The following PPP2R2B variants were observed in gnomAD, a reference collection of about 807,000 sequenced individuals.
PPP2R2B encodes serine/threonine-protein phosphatase 2A 55 kDa regulatory subunit B beta isoform.
In PPP2R2B, 5 loss-of-function variants were observed where a neutral mutation model predicts 46.0. The observed-to-expected ratio is 0.11, with a 90% confidence interval of 0.06 to 0.23. The LOEUF (loss-of-function observed/expected upper bound fraction) is 0.23, where lower values mean the gene tolerates loss of function less well. Among genes scored for constraint, PPP2R2B ranks in the 10% least tolerant of loss-of-function variants. The pLI is 1.00. For missense variants in PPP2R2B, 367 were observed against 575.0 expected, an observed-to-expected ratio of 0.64 and a Z score of 3.70; for synonymous variants, 215 against 206.7, an observed-to-expected ratio of 1.04 and a Z score of -0.34.
chr5:146,777,495 T>C (rs1014945151), intron 2 of PPP2R2B, among the ~76,000 whole-genome samples: 1 of 152,162 alleles, frequency 6.6e-6, no homozygotes, highest in Non-Finnish European at 1.5e-5. Context: ...TATCACTTAA[T>C]GGGTGCAGTT....
At chr5:146,931,550 T>C (rs1429427310) in intron 1 of PPP2R2B, among the ~76,000 whole-genome samples, 1 of 152,178 alleles carries the variant, frequency 6.6e-6, no homozygotes, top group East Asian at 1.9e-4. Flanking sequence ...GATGTCATCT[T>C]CCTTCCTTCT....
intron 2 of PPP2R2B, among the ~76,000 whole-genome samples, chr5:146,730,476 G>A (rs1430207523): frequency 6.6e-6 from 1 of 152,114 alleles, no homozygotes; most frequent in Non-Finnish European, 1.5e-5. Context: ...GAGGGGCCAA[G>A]GGCAGAATGA....
intron 2 of PPP2R2B, among the ~76,000 whole-genome samples, chr5:146,844,808 C>G (rs1273096768): frequency 6.6e-6 from 1 of 152,210 alleles, no homozygotes; most frequent in Non-Finnish European, 1.5e-5. Context: ...CTATCTTTCT[C>G]TCAATAACCT....
chr5:146,693,368 C>A (rs1297997684), intron 4 of PPP2R2B, among the ~76,000 whole-genome samples: 2 of 152,040 alleles, frequency 1.3e-5, no homozygotes, highest in Non-Finnish European at 2.9e-5. Flanking sequence ...TCACATGCCA[C>A]CACGCCCAGA....
chr5:146,606,110 G>A (rs918044090), intron 7 of PPP2R2B, among the ~76,000 whole-genome samples: 1 of 152,200 alleles, frequency 6.6e-6, no homozygotes, highest in Non-Finnish European at 1.5e-5. Flanking sequence ...GAAACCTAAA[G>A]TGAAACAGCA....
At chr5:146,616,294 A>G (rs2151044758) in intron 7 of PPP2R2B, among the ~76,000 whole-genome samples, 1 of 152,312 alleles carries the variant, frequency 6.6e-6, no homozygotes, top group African/African-American at 2.4e-5. Flanking sequence ...ACAAGAAAAC[A>G]CTGGGGAAAG....
chr5:146,861,248 G>C (rs1283384691), intron 2 of PPP2R2B, among the ~76,000 whole-genome samples: 1 of 151,942 alleles, frequency 6.6e-6, no homozygotes, highest in Non-Finnish European at 1.5e-5. Context: ...TGTGGAGACA[G>C]GGTTTCACCG....
intron 1 of PPP2R2B, among the ~76,000 whole-genome samples, chr5:147,005,283 G>T (rs1561570875): frequency 6.6e-6 from 1 of 152,316 alleles, no homozygotes; most frequent in East Asian, 1.9e-4. Context: ...TGAAGGGCAG[G>T]TTATGCCATA....
intron 1 of PPP2R2B, among the ~76,000 whole-genome samples, chr5:147,018,673 T>C (rs1755120694): frequency 6.6e-6 from 1 of 151,716 alleles, no homozygotes; most frequent in African/African-American, 2.4e-5. Flanking sequence ...TGGAACAGAG[T>C]TGGTGTTGTG....
chr5:146,976,129 ATTATT>A, intron 1 of PPP2R2B, among the ~76,000 whole-genome samples: 1 of 147,258 alleles, frequency 6.8e-6, no homozygotes, highest in East Asian at 2.0e-4. Flanking sequence ...TATTATTATT[ATTATT>A]ATTATTATTA....
chr5:146,760,992 A>G (rs1301634375), intron 2 of PPP2R2B, among the ~76,000 whole-genome samples: 1 of 152,226 alleles, frequency 6.6e-6, no homozygotes, highest in Non-Finnish European at 1.5e-5. Flanking sequence ...TAGAATAGCG[A>G]TCATTAAAAA....
intron 2 of PPP2R2B, 36 bp downstream of exon 2, chr5:146,877,966 G>A (rs1284267521): frequency 1.2e-6 from 2 of 1,600,260 alleles, no homozygotes; most frequent in Non-Finnish European, 1.7e-6. Context: ...ACTTGCGCCC[G>A]GCCCCAACGG....
chr5:146,618,147 C>T (rs367585192), intron 7 of PPP2R2B, among the ~76,000 whole-genome samples: 14 of 152,150 alleles, frequency 9.2e-5, no homozygotes, highest in South Asian at 2.1e-4. Context: ...AGACAGATTA[C>T]GTTAGATTAT....
intron 1 of PPP2R2B, among the ~76,000 whole-genome samples, chr5:147,033,024 C>T (rs1275725935): frequency 6.6e-6 from 1 of 152,192 alleles, no homozygotes; most frequent in African/African-American, 2.4e-5. Flanking sequence ...TCCACGCCAA[C>T]ATCTACTGTT....
Position 146,869,441 on chromosome 5 carries a change from C to T in PPP2R2B, c.70+8561G>A, listed in dbSNP as rs369950676. ...GTGGTACTGTCATACTATGGAGCAC[C>T]GTGCAGCCATTAAAAGGCATGAGAC... On this transcript the variant is annotated intron_variant, in intron 2 of 9. Coordinates refer to ENST00000394411, the MANE Select transcript of PPP2R2B (RefSeq NM_181675.4). 2.0e-4 allele frequency among the ~76,000 whole-genome samples: 30 copies of T among 152,234 alleles called. 1 individual carries two copies. Among genetic ancestry groups the T allele is most frequent in the East Asian group, 1.9e-3 (10 of 5,188 alleles).
chr5:146,670,476 ATTATTTAT>A lies in PPP2R2B; in HGVS notation c.448-19760_448-19753del, dbSNP rs58516893. The stretch of plus-strand genomic sequence containing the variant: ...TTTTCTTATCTGTTTTATGTGTACT[ATTATTTAT>A]TTATTTATTTATTTATTTATTTATT... On this transcript the variant is annotated intron_variant, in intron 5 of 9. Coordinates refer to ENST00000394411, the MANE Select transcript of PPP2R2B (RefSeq NM_181675.4). 6.5e-3 allele frequency among the ~76,000 whole-genome samples: 932 copies of A among 144,256 alleles called. 6 individuals carry two copies. Among genetic ancestry groups the A allele is most frequent in the Non-Finnish European group, 7.3e-3 (482 of 65,966 alleles). The allele number at this position is 144,256 out of a possible 152,430, so 94.6% of individuals were successfully genotyped here.
intron 2 of PPP2R2B, among the ~76,000 whole-genome samples, chr5:146,788,722 G>A (rs374798202): frequency 4.6e-5 from 7 of 152,250 alleles, no homozygotes; most frequent in African/African-American, 1.7e-4. Context: ...GACAGAGAAA[G>A]GCTCTATCTC....
At chr5:146,694,973 T>A (rs1398655696) in intron 4 of PPP2R2B, among the ~76,000 whole-genome samples, 1 of 152,104 alleles carries the variant, frequency 6.6e-6, no homozygotes, top group Non-Finnish European at 1.5e-5. Flanking sequence ...ATTGCATATA[T>A]GATTTATAAT....
At chr5:147,021,134 A>T (rs1755243067) in intron 1 of PPP2R2B, among the ~76,000 whole-genome samples, 1 of 152,216 alleles carries the variant, frequency 6.6e-6, no homozygotes, top group Non-Finnish European at 1.5e-5. Context: ...GTTGTTGTAC[A>T]AAATGTAGGA....
Sources: allele counts gnomAD v4.1 joint callset (sites outside exome capture counted in the v4.1 genomes callset), GRCh38; gene constraint gnomAD v4.1.1; transcripts MANE v1.5; gene names NCBI Gene and HGNC (gene_info 2026-07-23, HGNC 2026-07-21).